Variants in SWAP70 observed in about 807,000 individuals in gnomAD.
The protein encoded by SWAP70 is switching B cell complex subunit SWAP70.
In SWAP70, 34 loss-of-function variants were observed where a neutral mutation model predicts 80.2. The ratio of observed to expected loss-of-function variants is 0.42; its 90% CI spans 0.32 to 0.56. The LOEUF (loss-of-function observed/expected upper bound fraction) is 0.56, where lower values mean the gene tolerates loss of function less well. Among genes scored for constraint, SWAP70 ranks in the 20% least tolerant of loss-of-function variants. The pLI, the probability that SWAP70 is intolerant of heterozygous loss-of-function variation, is 0.09. For synonymous variants in SWAP70, 239 were observed against 238.5 expected (o/e 1.00, Z -0.02); for missense variants, 578 against 690.7 (o/e 0.84, Z 1.83).
chr11:9,734,701 G>A (rs1245730080), intron 7 of SWAP70, among the ~76,000 whole-genome samples: 2 of 152,126 alleles, frequency 1.3e-5, no homozygotes, highest in Admixed American at 6.5e-5. Context: ...GTGCAGTGGT[G>A]CCATGCTCAC....
At chr11:9,668,202 T>A (rs762842027) in intron 1 of SWAP70, among the ~76,000 whole-genome samples, 1 of 152,258 alleles carries the variant, frequency 6.6e-6, no homozygotes, top group African/African-American at 2.4e-5. Context: ...TTTCACACTT[T>A]AAAGCCAATG....
Position 9,750,254 on chromosome 11 carries a change from T to TGG in SWAP70, c.*284_*285insGG. 4.4e-6 allele frequency: 1 copy of TGG among 225,128 alleles called. No homozygotes were observed. The highest frequency in any genetic ancestry group is 9.1e-6 in the Non-Finnish European group (1 of 109,572). The allele number at this position is 225,128 out of a possible 1,614,324, so 13.9% of individuals were successfully genotyped here. A position where few individuals can be genotyped will look rare whatever the true frequency, so the allele number is the denominator to read the frequency against. On this transcript the variant is annotated 3_prime_UTR_variant, in exon 12 of 12. Coordinates refer to ENST00000318950, the MANE Select transcript of SWAP70 (RefSeq NM_015055.4). ...TACTTGGGAGGCTGAGGCAGGAGAA[T>TGG]CACTTGAACGTGGGAGGCGGAGGTT...
intron 1 of SWAP70, among the ~76,000 whole-genome samples, chr11:9,668,134 C>A (rs1482351903): frequency 6.6e-6 from 1 of 152,192 alleles, no homozygotes; most frequent in Non-Finnish European, 1.5e-5. Flanking sequence ...GGTGATCCAC[C>A]CGCCTTGGCC....
intron 4 of SWAP70, among the ~76,000 whole-genome samples, chr11:9,725,548 TATATATATATATATATATA>T (rs1564829406): frequency 1.0e-4 from 1 of 9,816 alleles, no homozygotes; most frequent in African/African-American, 3.1e-4. Context: ...TATATATATA[TATATATATATATATATATA>T]TATTTTTTTT....
At chr11:9,732,153 G>A (rs1269963261) in intron 6 of SWAP70, among the ~76,000 whole-genome samples, 2 of 152,182 alleles carry the variant, frequency 1.3e-5, no homozygotes, top group Non-Finnish European at 2.9e-5. Context: ...TTTTTGAAAA[G>A]TATAGAGAAA....
intron 1 of SWAP70, among the ~76,000 whole-genome samples, chr11:9,667,240 G>GTC (rs143081219): frequency 6.6e-6 from 1 of 151,576 alleles, no homozygotes; most frequent in South Asian, 2.1e-4. Context: ...TTCTGTGTGT[G>GTC]TGTGTGTGTG....
chr11:9,733,702 T>C (rs1851328791), intron 7 of SWAP70, among the ~76,000 whole-genome samples: 1 of 152,158 alleles, frequency 6.6e-6, no homozygotes, highest in Non-Finnish European at 1.5e-5. Context: ...ATATTTTCTG[T>C]AAAAATTCCC....
chr11:9,712,980 G>A (rs2132565), intron 2 of SWAP70, among the ~76,000 whole-genome samples: 49,607 of 151,962 alleles, frequency 0.33, 8,344 homozygotes, highest in Non-Finnish European at 0.35. Flanking sequence ...TACAGGCATG[G>A]GCCACCATGC....
chr11:9,718,491 T>C (rs192737436), intron 3 of SWAP70, among the ~76,000 whole-genome samples: 37 of 152,354 alleles, frequency 2.4e-4, no homozygotes, highest in Admixed American at 2.2e-3. Flanking sequence ...TGCTATATTA[T>C]GAAAAATACA....
chr11:9,708,628 A>G lies in SWAP70; in HGVS notation c.241-4838A>G, dbSNP rs557010712. 2.0e-5 allele frequency among the ~76,000 whole-genome samples: 3 copies of G among 152,294 alleles called. No homozygotes were observed. In the East Asian group the frequency reaches 5.8e-4, roughly 29 times the overall value. On this transcript the variant is annotated intron_variant, in intron 2 of 11. Transcript: ENST00000318950. ...GTCTTATATTTGCTTTTCCAGCTGT[A>G]TATCTAGCCATTTCCCCTCAGGAAC... is the stretch of plus-strand genomic sequence containing the variant.
chr11:9,707,740 G>C (rs2134467017), intron 2 of SWAP70, among the ~76,000 whole-genome samples: 1 of 151,790 alleles, frequency 6.6e-6, no homozygotes, highest in African/African-American at 2.4e-5. Context: ...ATTTTTTGTA[G>C]AGACGCGGTA....
chr11:9,675,330 A>ACAGAGGGAGC lies in SWAP70; in HGVS notation c.99+11052_99+11053insCAGAGGGAGC, dbSNP rs1565111571. ...GAAACAGAGAGGGAGCGAGAGAGAG[A>ACAGAGGGAGC]GAGAGAGAGAGGGAGCGAGAGAGAG... On this transcript the variant is annotated intron_variant, in intron 1 of 11. Coordinates refer to ENST00000318950, the MANE Select transcript of SWAP70 (RefSeq NM_015055.4). 4.6e-4 allele frequency among the ~76,000 whole-genome samples: 34 copies of ACAGAGGGAGC among 73,898 alleles called. 6 individuals are homozygous for ACAGAGGGAGC. Among genetic ancestry groups the ACAGAGGGAGC allele is most frequent in the South Asian group, 8.2e-4 (1 of 1,214 alleles). 48.5% of individuals were successfully genotyped at this position (73,898 alleles called of 152,430 possible). A position where few individuals can be genotyped will look rare whatever the true frequency, so the allele number is the denominator to read the frequency against.
rs1207741468 is a variant in SWAP70 at position 9,751,503 on chromosome 11, T to G, written c.*1533T>G. ...ATAAATATGGGGATAATTCAGTTGT[T>G]GCAAAAAAAGGGCAGAATTCAGTAG... is the stretch of plus-strand genomic sequence containing the variant. On this transcript the variant is annotated 3_prime_UTR_variant, in exon 12 of 12. Coordinates refer to ENST00000318950, the MANE Select transcript of SWAP70 (RefSeq NM_015055.4). 4 of 152,078 alleles carry G rather than the reference T, an allele frequency of 2.6e-5. No individual in the cohort carries two copies. The highest frequency in any genetic ancestry group is 9.7e-5 in the African/African-American group (4 of 41,434). 9.4% of individuals were successfully genotyped at this position (152,078 alleles called of 1,614,324 possible).
At chr11:9,726,863 T>A (rs1192163276) in intron 4 of SWAP70, 1 of 456,250 alleles carries the variant, frequency 2.2e-6, no homozygotes, top group Admixed American at 2.3e-5. Flanking sequence ...GAAGCCACAT[T>A]TAGAAGCCAG....
At chr11:9,735,047 C>T (rs1348469465) in intron 7 of SWAP70, among the ~76,000 whole-genome samples, 1 of 152,118 alleles carries the variant, frequency 6.6e-6, no homozygotes, top group Non-Finnish European at 1.5e-5. Flanking sequence ...AATAGATTTA[C>T]TTAAAGAATT....
intron 1 of SWAP70, among the ~76,000 whole-genome samples, chr11:9,671,765 T>TA (rs372823772): frequency 8.3e-5 from 4 of 47,968 alleles, no homozygotes; most frequent in Admixed American, 4.2e-4. Flanking sequence ...TATAAATATA[T>TA]AATATAAATA....
At chr11:9,691,257 C>T (rs1464873623) in intron 1 of SWAP70, among the ~76,000 whole-genome samples, 1 of 152,244 alleles carries the variant, frequency 6.6e-6, no homozygotes, top group East Asian at 1.9e-4. Flanking sequence ...CTTTTATAGA[C>T]CTTACTAACA....
chr11:9,721,443 G>A (rs1851134096), intron 3 of SWAP70, among the ~76,000 whole-genome samples: 1 of 150,000 alleles, frequency 6.7e-6, no homozygotes, highest in Non-Finnish European at 1.5e-5. Context: ...TAAATCAATA[G>A]ACCTTTTAAT....
In SWAP70 at chr11:9,685,548, T is replaced by C. The variant is rs112532850; in HGVS notation, c.100-8598T>C. Among the ~76,000 whole-genome samples, 560 of 152,164 alleles carry C rather than the reference T, an allele frequency of 3.7e-3. 1 individual carries two copies. The highest frequency in any genetic ancestry group is 0.012 in the African/African-American group (498 of 41,516). ...AAGGGCAAAAGAGACTAGGGAACTC[T>C]CTCCCTTCAACCTCTTTTATAAGGT... On this transcript the variant is annotated intron_variant, in intron 1 of 11. Transcript: ENST00000318950.
Sources: gnomAD v4.1 joint callset for allele counts (sites outside exome capture counted in the v4.1 genomes callset) on GRCh38, gnomAD v4.1.1 for gene constraint, MANE v1.5 for transcripts, NCBI Gene and HGNC (gene_info 2026-07-23, HGNC 2026-07-21) for gene names.